The following TDRD12 variants were observed in gnomAD, a reference collection of about 807,000 sequenced individuals.
TDRD12 encodes the protein tudor domain containing 12.
Under a neutral mutation model 133.5 loss-of-function variants are expected in TDRD12, and 158 were observed. That is an observed-to-expected ratio of 1.18 (90% CI 1.04 to 1.35). The LOEUF (loss-of-function observed/expected upper bound fraction) is 1.35, where lower values mean the gene tolerates loss of function less well. Ranked by LOEUF, TDRD12 falls within the 40% of genes most tolerant of loss-of-function variation. The pLI, the probability that TDRD12 is intolerant of heterozygous loss-of-function variation, is 0.00. For missense variants in TDRD12, 1,443 were observed against 1,321.3 expected, an observed-to-expected ratio of 1.09 and a Z score of -1.43; for synonymous variants, 460 against 477.9, an observed-to-expected ratio of 0.96 and a Z score of 0.49.
intron 13 of TDRD12, among the ~76,000 whole-genome samples, chr19:32,792,188 G>A (rs1191339453): frequency 6.6e-6 from 1 of 151,950 alleles, no homozygotes; most frequent in East Asian, 1.9e-4. Context: ...AGAGGTTGCA[G>A]TGAGCTGAGA....
chr19:32,818,130 A>G (rs1187218576), exon 27 of TDRD12: 1 of 702,608 alleles, frequency 1.4e-6, no homozygotes, highest in South Asian at 1.5e-5. Context: ...GACCAGGATC[A>G]TCCATCCGAG....
chr19:32,825,949 G>A (rs916867571), downstream of TDRD12: 7 of 538,140 alleles, frequency 1.3e-5, no homozygotes, highest in African/African-American at 3.8e-5. This position sits in a 1 kb window ranked among gnomAD's most constrained non-coding sequence, Gnocchi z 4.1. Flanking sequence ...GTTCTTTGCA[G>A]CTAGATACTA....
At chr19:32,805,179 A>ATATATTATATATGTT (rs1391899510) in intron 21 of TDRD12, among the ~76,000 whole-genome samples, 1 of 108,808 alleles carries the variant, frequency 9.2e-6, no homozygotes, top group Non-Finnish European at 1.8e-5. Context: ...TTATATATAT[A>ATATATTATATATGTT]ACATATATAA....
chr19:32,788,081 C>G (rs1164871001), intron 11 of TDRD12, among the ~76,000 whole-genome samples: 1 of 151,348 alleles, frequency 6.6e-6, no homozygotes, highest in Non-Finnish European at 1.5e-5. Context: ...AGTGCCTGCT[C>G]TTTTTTTAAT....
At chr19:32,810,041 T>C (rs1422627624) in intron 22 of TDRD12, 52 bp from the exon 23 acceptor site, 4 of 1,204,892 alleles carry the variant, frequency 3.3e-6, no homozygotes, top group Admixed American at 2.5e-5. Context: ...TGTGTACATA[T>C]CCGGTTTAGA....
At chr19:32,790,934 A>C (rs1191609390) in intron 12 of TDRD12, 30 bp from the exon 13 acceptor site, 3 of 1,528,724 alleles carry the variant, frequency 2.0e-6, no homozygotes, top group Non-Finnish European at 2.6e-6. Context: ...CAGGGCAGAC[A>C]CTGGTTGTCT....
chr19:32,822,390 C>T (rs1312242508), downstream of TDRD12, among the ~76,000 whole-genome samples: 2 of 152,168 alleles, frequency 1.3e-5, no homozygotes, highest in Non-Finnish European at 2.9e-5. Context: ...CAAGATTGTA[C>T]CACTGCACTC....
intron 14 of TDRD12, among the ~76,000 whole-genome samples, chr19:32,797,351 G>A (rs1971261317): frequency 1.3e-5 from 2 of 152,142 alleles, no homozygotes; most frequent in Non-Finnish European, 2.9e-5. Flanking sequence ...TCTGTGCAGG[G>A]GATGTGGAGC....
At chr19:32,798,171 T>C (rs1251254635) in intron 15 of TDRD12, 137 bp from the exon 16 acceptor site, 1 of 748,518 alleles carries the variant, frequency 1.3e-6, no homozygotes, top group East Asian at 2.7e-5. Flanking sequence ...ATGCTGGGCA[T>C]ATGGGGTTGA....
At chr19:32,777,849 A>AT (rs1970646979) in intron 11 of TDRD12, among the ~76,000 whole-genome samples, 1 of 14,520 alleles carries the variant, frequency 6.9e-5, no homozygotes, top group Non-Finnish European at 1.1e-4. Flanking sequence ...ATATATATAT[A>AT]TATATATATT....
Position 32,753,096 on chromosome 19 carries a change from G to A in TDRD12, c.583-2896G>A, listed in dbSNP as rs183597420. Among the ~76,000 whole-genome samples the A allele has an allele frequency of 8.6e-4, 131 of 152,242 alleles. 1 individual carries two copies. Among genetic ancestry groups the A allele is most frequent in the Admixed American group, 7.7e-3 (118 of 15,298 alleles). On this transcript the variant is annotated intron_variant, in intron 6 of 27. Coordinates refer to ENST00000444215, the Ensembl canonical transcript of TDRD12. The stretch of plus-strand genomic sequence containing the variant: ...CGTGAGCCACCGCGCCCGGCCACTG[G>A]AATCAGCCACTTCTTCAAGCAGCTC...
At chr19:32,732,196 G>A (rs1312984798) in intron 2 of TDRD12, among the ~76,000 whole-genome samples, 2 of 152,106 alleles carry the variant, frequency 1.3e-5, no homozygotes, top group Non-Finnish European at 2.9e-5. Context: ...TAGAGACGGG[G>A]GTTTCACCGT....
intron 2 of TDRD12, among the ~76,000 whole-genome samples, chr19:32,734,078 G>A (rs1203274398): frequency 6.6e-6 from 1 of 151,788 alleles, no homozygotes; most frequent in Non-Finnish European, 1.5e-5. Context: ...TGTATTTTTA[G>A]TAGAGATGGG....
chr19:32,785,538 C>G (rs1456689590), intron 11 of TDRD12, among the ~76,000 whole-genome samples: 1 of 152,118 alleles, frequency 6.6e-6, no homozygotes, highest in Non-Finnish European at 1.5e-5. Context: ...TCTCGTTGAT[C>G]TGTCTAATAT....
At chr19:32,720,236 GACCCCA>G in intron 1 of TDRD12, 140 bp downstream of exon 1, 1 of 741,384 alleles carries the variant, frequency 1.3e-6, no homozygotes, top group Non-Finnish European at 2.1e-6. Flanking sequence ...TCCCACCCCC[GACCCCA>G]ACCCTACACA....
At chr19:32,759,414 A>ATT (rs747963142) in intron 8 of TDRD12, among the ~76,000 whole-genome samples, 12 of 144,452 alleles carry the variant, frequency 8.3e-5, no homozygotes, top group African/African-American at 2.8e-4. Flanking sequence ...CAGTCTGGGA[A>ATT]TTTTTTTTTT....
chr19:32,823,569 C>T (rs909462675), downstream of TDRD12, among the ~76,000 whole-genome samples: 4 of 152,070 alleles, frequency 2.6e-5, no homozygotes, highest in African/African-American at 4.8e-5. Flanking sequence ...CTTCCGGAGC[C>T]GAGTGGTACG....
At chr19:32,730,211 T>C in intron 1 of TDRD12, among the ~76,000 whole-genome samples, 1 of 152,196 alleles carries the variant, frequency 6.6e-6, no homozygotes, top group East Asian at 1.9e-4. Flanking sequence ...CCTCTGTGGC[T>C]CTCCGTTTAG....
intron 4 of TDRD12, among the ~76,000 whole-genome samples, chr19:32,747,961 G>T (rs988582724): frequency 6.6e-6 from 1 of 152,172 alleles, no homozygotes; most frequent in African/African-American, 2.4e-5. Flanking sequence ...GCTGCAATGA[G>T]CTGTGTTCAT....
Sources: allele counts gnomAD v4.1 joint callset (sites outside exome capture counted in the v4.1 genomes callset), GRCh38; gene constraint gnomAD v4.1.1; non-coding constraint Gnocchi (gnomAD v3.1); transcripts MANE v1.5; gene names NCBI Gene and HGNC (gene_info 2026-07-23, HGNC 2026-07-21).